GAB2: variants seen among roughly 807,000 people sequenced by gnomAD.
GAB2 encodes the protein GRB2 associated binding protein 2, also known as GRB2-associated-binding protein 2.
A neutral mutation model predicts 65.5 loss-of-function variants in GAB2; 26 were observed. The ratio of observed to expected loss-of-function variants is 0.40; its 90% CI spans 0.29 to 0.55. The LOEUF (loss-of-function observed/expected upper bound fraction) is 0.55, where lower values mean the gene tolerates loss of function less well. GAB2 is among the 20% of genes least tolerant of loss of function. The probability of loss-of-function intolerance (pLI) is 0.53; values close to 1 mark genes in which losing one functional copy is unlikely to be tolerated. For synonymous variants in GAB2, 321 were observed against 329.6 expected, an observed-to-expected ratio of 0.97 and a Z score of 0.28; for missense variants, 884 against 875.8, an observed-to-expected ratio of 1.01 and a Z score of -0.12.
At chr11:78,317,870 A>G (rs1460375412) in intron 1 of GAB2, among the ~76,000 whole-genome samples, 4 of 152,180 alleles carry the variant, frequency 2.6e-5, no homozygotes, top group Non-Finnish European at 5.9e-5. Context: ...AAGAAAAAGA[A>G]GAAGAAGATT....
At chr11:78,290,117 T>A (rs10899457) in intron 1 of GAB2, among the ~76,000 whole-genome samples, 23,812 of 151,880 alleles carry the variant, frequency 0.16, 2,422 homozygotes, top group East Asian at 0.4. Flanking sequence ...AAATAAAAAA[T>A]AAGAGACAAG....
At chr11:78,222,671 C>T (rs1242878168) in intron 6 of GAB2, among the ~76,000 whole-genome samples, 1 of 152,038 alleles carries the variant, frequency 6.6e-6, no homozygotes, top group African/African-American at 2.4e-5. Context: ...CAACCTCTGC[C>T]TCCTGAGTTC....
chr11:78,354,204 C>T (rs1375492619), intron 1 of GAB2, among the ~76,000 whole-genome samples: 2 of 152,170 alleles, frequency 1.3e-5, no homozygotes, highest in African/African-American at 2.4e-5. Flanking sequence ...GTTCCAGAGA[C>T]CATGATTACC....
intron 2 of GAB2, among the ~76,000 whole-genome samples, chr11:78,274,524 G>C (rs1866112733): frequency 6.6e-6 from 1 of 152,174 alleles, no homozygotes; most frequent in Non-Finnish European, 1.5e-5. Flanking sequence ...AGAAGCAGAA[G>C]CATGGGGTGA....
chr11:78,268,094 G>T (rs1006867618), intron 2 of GAB2, among the ~76,000 whole-genome samples: 18 of 152,084 alleles, frequency 1.2e-4, no homozygotes, highest in African/African-American at 4.3e-4. Context: ...AAGGAAGGGT[G>T]GGCAGTTGAG....
chr11:78,380,694 A>G (rs1347872502), intron 1 of GAB2, among the ~76,000 whole-genome samples: 4 of 152,188 alleles, frequency 2.6e-5, no homozygotes, highest in South Asian at 2.1e-4. Flanking sequence ...GGAACTTTAA[A>G]TTATTCGGAG....
chr11:78,226,620 G>GGGGGGCCCC lies in GAB2; in HGVS notation c.1051_1052insGGGGCCCCC (p.Ala350_Pro351insArgGlyPro). On this transcript the variant is annotated inframe_insertion, in exon 4 of 10. Coordinates refer to ENST00000361507, the MANE Select transcript of GAB2 (RefSeq NM_080491.3). ...ACTTGGCTTGGGGGGGCGGGGTGGG[G>GGGGGGCCCC]GAGCTATGGCTGAGTCCCCAGGAGT... 7 of 1,500,516 alleles carry GGGGGGCCCC rather than the reference G, an allele frequency of 4.7e-6. No homozygotes were observed. Among genetic ancestry groups the GGGGGGCCCC allele is most frequent in the Non-Finnish European group, 6.5e-6 (7 of 1,078,990 alleles). The allele number at this position is 1,500,516 out of a possible 1,614,324, so 93.0% of individuals were successfully genotyped here.
intron 2 of GAB2, among the ~76,000 whole-genome samples, chr11:78,262,924 G>C (rs1850369906): frequency 6.6e-6 from 1 of 152,236 alleles, no homozygotes; most frequent in African/African-American, 2.4e-5. Context: ...CTAGAACACA[G>C]CTGTATCAAC....
At chr11:78,387,966 C>T (rs1296341680) in intron 1 of GAB2, 1 of 151,862 alleles carries the variant, frequency 6.6e-6, no homozygotes, top group African/African-American at 2.4e-5. Flanking sequence ...TTAACTAATA[C>T]ATAAGAAATG....
At chr11:78,339,208 G>A (rs1177890105) in intron 1 of GAB2, among the ~76,000 whole-genome samples, 4 of 152,120 alleles carry the variant, frequency 2.6e-5, no homozygotes, top group Non-Finnish European at 1.5e-5. Context: ...TTACAGGCAT[G>A]AGCCACTGTG....
At chr11:78,366,586 A>G (rs1856500508) in intron 1 of GAB2, among the ~76,000 whole-genome samples, 1 of 8,484 alleles carries the variant, frequency 1.2e-4, no homozygotes. Flanking sequence ...ACTCCATCTC[A>G]AAAAAAAAAA....
At chr11:78,330,178 C>G (rs929281694) in intron 1 of GAB2, among the ~76,000 whole-genome samples, 4 of 152,094 alleles carry the variant, frequency 2.6e-5, no homozygotes, top group African/African-American at 9.7e-5. Flanking sequence ...CCAGTGGTGT[C>G]CTAGGAGGTC....
intron 2 of GAB2, among the ~76,000 whole-genome samples, chr11:78,267,880 AAG>A (rs1865910266): frequency 6.6e-5 from 10 of 151,124 alleles, no homozygotes; most frequent in Non-Finnish European, 1.2e-4. Context: ...AAAAAAAAAA[AAG>A]AGTCTCTGAA....
chr11:78,301,405 C>A (rs1045502194), intron 1 of GAB2, among the ~76,000 whole-genome samples: 6 of 149,896 alleles, frequency 4.0e-5, no homozygotes, highest in Non-Finnish European at 7.4e-5. Context: ...TCTGGGCTCA[C>A]TGCAACCTCT....
chr11:78,405,202 C>A (rs1161228300), intron 1 of GAB2, among the ~76,000 whole-genome samples: 1 of 150,926 alleles, frequency 6.6e-6, no homozygotes, highest in African/African-American at 2.4e-5. Flanking sequence ...CGGTTCACGC[C>A]ATTCTCCTGC....
chr11:78,230,909 G>A (rs1204208053), intron 3 of GAB2, among the ~76,000 whole-genome samples: 1 of 152,214 alleles, frequency 6.6e-6, no homozygotes. Context: ...ACTGAGGCCT[G>A]TGTCACTGTG....
chr11:78,358,389 A>G (rs1015456216), intron 1 of GAB2, among the ~76,000 whole-genome samples: 9 of 150,864 alleles, frequency 6.0e-5, no homozygotes, highest in Non-Finnish European at 8.9e-5. Flanking sequence ...ACACATGTAC[A>G]CATATGTAAC....
intron 1 of GAB2, among the ~76,000 whole-genome samples, chr11:78,311,795 G>C (rs1490146473): frequency 2.6e-5 from 4 of 152,272 alleles, no homozygotes; most frequent in Middle Eastern, 3.4e-3. Context: ...ACTGGACTTG[G>C]AGCGAGGCGG....
intron 1 of GAB2, among the ~76,000 whole-genome samples, chr11:78,336,860 A>C (rs376650853): frequency 6.6e-6 from 1 of 152,378 alleles, no homozygotes; most frequent in African/African-American, 2.4e-5. Context: ...AAACAAAATA[A>C]ACCAAAGAAT....
Sources: allele counts gnomAD v4.1 joint callset (sites outside exome capture counted in the v4.1 genomes callset), GRCh38; gene constraint gnomAD v4.1.1; transcripts MANE v1.5; gene names NCBI Gene and HGNC (gene_info 2026-07-23, HGNC 2026-07-21).